VSTM2A: variants seen among roughly 807,000 people sequenced by gnomAD.
The protein encoded by VSTM2A is V-set and transmembrane domain-containing protein 2A.
Under a neutral mutation model 27.3 loss-of-function variants are expected in VSTM2A, and 13 were observed. That is an observed-to-expected ratio of 0.48 (90% CI 0.31 to 0.76). The LOEUF (loss-of-function observed/expected upper bound fraction) is 0.76, where lower values mean the gene tolerates loss of function less well. Ranked by LOEUF, VSTM2A falls within the 30% of genes least tolerant of loss-of-function variation. The pLI is 0.05. For synonymous variants in VSTM2A, 142 were observed against 125.7 expected, an observed-to-expected ratio of 1.13 and a Z score of -0.87; for missense variants, 280 against 310.0, an observed-to-expected ratio of 0.90 and a Z score of 0.73.
chr7:54,548,812 C>G (rs1376945255), intron 3 of VSTM2A, among the ~76,000 whole-genome samples: 1 of 151,844 alleles, frequency 6.6e-6, no homozygotes, highest in Admixed American at 6.6e-5. Context: ...TCAGGTTTTC[C>G]TAGTAATTTA....
chr7:54,558,501 T>C (rs1788444995), intron 4 of VSTM2A: 1 of 152,122 alleles, frequency 6.6e-6, no homozygotes, highest in Admixed American at 6.6e-5. Flanking sequence ...ATAATGGATT[T>C]TAAAAATCTA....
intron 4 of VSTM2A, among the ~76,000 whole-genome samples, chr7:54,565,043 T>C (rs537563436): frequency 6.8e-5 from 9 of 132,230 alleles, no homozygotes; most frequent in African/African-American, 2.4e-4. Flanking sequence ...ATGGTATATG[T>C]GGTACATTTC....
Position 54,569,248 on chromosome 7 carries a change from G to A in VSTM2A, c.*29G>A. Reference sequence around the variant, plus strand: ...ACTACACAAGGAGCGCCTGCTTCCGGAAGCATAAATGAAGAGGCTATCACA... The same window carrying A: ...ACTACACAAGGAGCGCCTGCTTCCGAAAGCATAAATGAAGAGGCTATCACA... On this transcript the variant is annotated 3_prime_UTR_variant, in exon 5 of 5. Coordinates refer to ENST00000402613, the MANE Select transcript of VSTM2A (RefSeq NM_001301009.2). 1 of 1,551,388 alleles carries A rather than the reference G, an allele frequency of 6.4e-7. No homozygotes were observed. The highest frequency in any genetic ancestry group is 8.7e-7 in the Non-Finnish European group (1 of 1,146,856).
chr7:54,547,088 G>T lies in VSTM2A; in HGVS notation c.297+91G>T, dbSNP rs1584046400. 3 of 1,409,948 alleles carry T rather than the reference G, an allele frequency of 2.1e-6. No homozygotes were observed. In the East Asian group the frequency reaches 8.1e-5, roughly 38 times the overall value. The allele number at this position is 1,409,948 out of a possible 1,614,324, so 87.3% of individuals were successfully genotyped here. On this transcript the variant is annotated intron_variant, in intron 3 of 4. Coordinates refer to ENST00000402613, the MANE Select transcript of VSTM2A (RefSeq NM_001301009.2). ...GAGAAGGCGGCTTGCCAGCGCTGCA[G>T]GACAGCCGGACAGCCGGGTGCCCCT...
intron 1 of VSTM2A, among the ~76,000 whole-genome samples, chr7:54,543,518 C>A (rs1233315616): frequency 6.8e-6 from 1 of 147,508 alleles, no homozygotes; most frequent in Non-Finnish European, 1.5e-5. Context: ...GTTTTAGGTA[C>A]AAATATAGTT....
At position 54,548,109 on chromosome 7, in the gene VSTM2A, T is replaced by G. The variant is rs185913844; in HGVS notation, c.297+1112T>G. Among the ~76,000 whole-genome samples the G allele has an allele frequency of 4.7e-3, 719 of 152,300 alleles. 9 individuals carry two copies. Among genetic ancestry groups the G allele is most frequent in the African/African-American group, 0.016 (678 of 41,564 alleles). On this transcript the variant is annotated intron_variant, in intron 3 of 4. Transcript: ENST00000402613. The stretch of plus-strand genomic sequence containing the variant: ...TCTAGTTTTTTCTTAATTATTTTAT[T>G]TTTCACATACATATATAACTAGATA...
intron 4 of VSTM2A, chr7:54,553,992 G>A: frequency 6.4e-7 from 1 of 1,553,148 alleles, no homozygotes. Context: ...ACACAGAACT[G>A]TGAAGCGGCT....
rs1270125123 is a variant in VSTM2A, at chr7:54,551,376, C to T, written c.634+1206C>T. 4 of 152,076 alleles carry T rather than the reference C, an allele frequency of 2.6e-5. No homozygotes were observed. The East Asian group carries it at 7.7e-4, about 29-fold the overall frequency. 9.4% of individuals were successfully genotyped at this position (152,076 alleles called of 1,614,324 possible). On this transcript the variant is annotated intron_variant, in intron 4 of 4. Coordinates refer to ENST00000402613, the MANE Select transcript of VSTM2A (RefSeq NM_001301009.2). ...GGATGTGATTTGCAGATTTGTAGGG[C>T]ACTTGGATTAGGGTTCTCTGAGTTT...
chr7:54,546,596 G>T (rs1274559228), intron 2 of VSTM2A: 1 of 134,120 alleles, frequency 7.5e-6, no homozygotes, highest in Non-Finnish European at 1.6e-5. Context: ...CCGGGCGCGC[G>T]TCCGCACGGG....
intron 4 of VSTM2A, chr7:54,559,976 G>T (rs749520762): frequency 7.9e-5 from 12 of 152,066 alleles, no homozygotes; most frequent in Non-Finnish European, 1.8e-4. Context: ...GTCAATGTAA[G>T]TTATGATTTT....
intron 4 of VSTM2A, among the ~76,000 whole-genome samples, chr7:54,568,384 AAT>A (rs1351789745): frequency 6.6e-6 from 1 of 152,216 alleles, no homozygotes; most frequent in African/African-American, 2.4e-5. Context: ...AAAGTTATTC[AAT>A]ATGTCATTTG....
At chr7:54,563,501 C>T (rs1373899455) in intron 4 of VSTM2A, among the ~76,000 whole-genome samples, 2 of 152,162 alleles carry the variant, frequency 1.3e-5, no homozygotes, top group Non-Finnish European at 2.9e-5. Context: ...GTGCTGTTTT[C>T]AGATGTGCAG....
intron 4 of VSTM2A, chr7:54,558,807 A>G (rs1247997175): frequency 6.6e-6 from 1 of 152,148 alleles, no homozygotes; most frequent in Non-Finnish European, 1.5e-5. Flanking sequence ...AAGGCCAGTT[A>G]AAGAACTAAG....
chr7:54,557,265 T>A (rs1788393954), intron 4 of VSTM2A: 1 of 152,228 alleles, frequency 6.6e-6, no homozygotes, highest in East Asian at 1.9e-4. Context: ...GGAAGGCTGC[T>A]TCACATCTCA....
rs906695696 is a variant in VSTM2A, at chr7:54,547,397, G to A, written c.297+400G>A. 4.3e-4 allele frequency among the ~76,000 whole-genome samples: 65 copies of A among 152,238 alleles called. 1 individual carries two copies. Among genetic ancestry groups the A allele is most frequent in the African/African-American group, 1.2e-3 (48 of 41,562 alleles). ...GAGAAAAATATAAAGCATCCAACAG[G>A]ATACTGAAATTGTGATGAAATTAAG... On this transcript the variant is annotated intron_variant, in intron 3 of 4. Coordinates refer to ENST00000402613, the MANE Select transcript of VSTM2A (RefSeq NM_001301009.2).
At chr7:54,544,580 A>C (rs1787881369) in intron 1 of VSTM2A, 42 bp from the exon 2 acceptor site, 2 of 1,611,786 alleles carry the variant, frequency 1.2e-6, no homozygotes, top group Non-Finnish European at 1.7e-6. Flanking sequence ...CTCAGGCAAG[A>C]GGGGTGTGGA....
rs1788872128 is a variant in VSTM2A, at chr7:54,570,836, G to C, written c.*1617G>C. On this transcript the variant is annotated 3_prime_UTR_variant, in exon 5 of 5. Coordinates refer to ENST00000402613, the MANE Select transcript of VSTM2A (RefSeq NM_001301009.2). ...AGCTATGTGGGGCCATCAGCTCCCA[G>C]CCTAAGGTCCTATAACCCGAAGCTT... The C allele has an allele frequency of 6.6e-6, 1 of 152,070 alleles. No individual in the cohort carries two copies. The highest frequency in any genetic ancestry group is 2.4e-5 in the African/African-American group (1 of 41,424). 9.4% of individuals were successfully genotyped at this position (152,070 alleles called of 1,614,324 possible).
intron 4 of VSTM2A, chr7:54,550,474 T>TAACCA: frequency 6.7e-6 from 4 of 592,886 alleles, no homozygotes; most frequent in Non-Finnish European, 1.1e-5. Context: ...TAATGTTGGT[T>TAACCA]ACATTACAAA....
intron 3 of VSTM2A, among the ~76,000 whole-genome samples, chr7:54,547,642 C>A (rs989442545): frequency 4.6e-5 from 7 of 152,036 alleles, no homozygotes; most frequent in African/African-American, 1.7e-4. Context: ...TTTTACTATA[C>A]CTCAAATGAG....
Sources: gnomAD v4.1 joint callset for allele counts (sites outside exome capture counted in the v4.1 genomes callset) on GRCh38, gnomAD v4.1.1 for gene constraint, MANE v1.5 for transcripts, NCBI Gene and HGNC (gene_info 2026-07-23, HGNC 2026-07-21) for gene names.